ERBB4: variants seen among roughly 807,000 people sequenced by gnomAD.
The protein encoded by ERBB4 is receptor tyrosine-protein kinase erbB-4.
In ERBB4, 42 loss-of-function variants were observed where a neutral mutation model predicts 158.0. That is an observed-to-expected ratio of 0.27 (90% CI 0.21 to 0.34). ERBB4 has a LOEUF of 0.34. Ranked by LOEUF, ERBB4 falls within the 10% of genes least tolerant of loss-of-function variation. The pLI, the probability that ERBB4 is intolerant of heterozygous loss-of-function variation, is 1.00. For missense variants in ERBB4, 1,333 were observed against 1,624.1 expected, an observed-to-expected ratio of 0.82 and a Z score of 3.08; for synonymous variants, 583 against 558.7, an observed-to-expected ratio of 1.04 and a Z score of -0.61.
At chr2:212,018,167 A>G (rs2076569347) in intron 2 of ERBB4, among the ~76,000 whole-genome samples, 1 of 152,170 alleles carries the variant, frequency 6.6e-6, no homozygotes, top group South Asian at 2.1e-4. Context: ...TGTTTCATTA[A>G]AAGTATAAGT....
At chr2:212,427,904 T>G (rs1307830054) in intron 1 of ERBB4, among the ~76,000 whole-genome samples, 1 of 152,044 alleles carries the variant, frequency 6.6e-6, no homozygotes, top group Non-Finnish European at 1.5e-5. Flanking sequence ...AGAAGAGGGA[T>G]TGAGGGCAAA....
At chr2:212,059,197 T>C (rs1052549082) in intron 2 of ERBB4, among the ~76,000 whole-genome samples, 1 of 151,994 alleles carries the variant, frequency 6.6e-6, no homozygotes, top group Non-Finnish European at 1.5e-5. Context: ...CACAATTGCT[T>C]CAAAGAGAAT....
At chr2:211,484,135 A>T (rs2125554738) in intron 20 of ERBB4, among the ~76,000 whole-genome samples, 2 of 152,322 alleles carry the variant, frequency 1.3e-5, no homozygotes, top group South Asian at 4.1e-4. Flanking sequence ...CAAACCCTAA[A>T]GACACCATTA....
At chr2:211,535,374 A>G (rs926423840) in intron 20 of ERBB4, among the ~76,000 whole-genome samples, 1 of 151,974 alleles carries the variant, frequency 6.6e-6, no homozygotes, top group African/African-American at 2.4e-5. Flanking sequence ...ACCAACATTA[A>G]TGTTTACGGA....
At chr2:211,785,409 G>A (rs756851467) in intron 4 of ERBB4, among the ~76,000 whole-genome samples, 2 of 152,220 alleles carry the variant, frequency 1.3e-5, no homozygotes, top group African/African-American at 2.4e-5. Context: ...CCGCACAGAC[G>A]TTTTTAAGTT....
At chr2:212,299,131 A>G (rs893442030) in intron 1 of ERBB4, among the ~76,000 whole-genome samples, 3 of 151,674 alleles carry the variant, frequency 2.0e-5, no homozygotes, top group African/African-American at 7.2e-5. Context: ...TCACAGACCA[A>G]AAGAGTGAGG....
intron 1 of ERBB4, among the ~76,000 whole-genome samples, chr2:212,237,283 T>C (rs1314171383): frequency 6.6e-6 from 1 of 152,202 alleles, no homozygotes; most frequent in Admixed American, 6.5e-5. Flanking sequence ...TTTTTGTTGA[T>C]GTTGACGCTA....
intron 20 of ERBB4, among the ~76,000 whole-genome samples, chr2:211,514,471 T>C (rs2065972062): frequency 1.3e-5 from 2 of 152,070 alleles, no homozygotes; most frequent in African/African-American, 4.8e-5. Flanking sequence ...ATGTTTTGAG[T>C]ATATTCAGAA....
chr2:211,416,373 T>C (rs1435179663), intron 25 of ERBB4, among the ~76,000 whole-genome samples: 1 of 152,040 alleles, frequency 6.6e-6, no homozygotes, highest in Non-Finnish European at 1.5e-5. Flanking sequence ...ATGCTGAACA[T>C]GTAATCGAAA....
chr2:212,292,910 G>A (rs941321711), intron 1 of ERBB4, among the ~76,000 whole-genome samples: 1 of 151,944 alleles, frequency 6.6e-6, no homozygotes. Flanking sequence ...ATGCAAGGTA[G>A]TGAACTGAAA....
intron 2 of ERBB4, among the ~76,000 whole-genome samples, chr2:212,092,807 G>C (rs1232411412): frequency 6.6e-6 from 1 of 152,112 alleles, no homozygotes; most frequent in African/African-American, 2.4e-5. Flanking sequence ...TCACAACCGG[G>C]GCCTGTCAGG....
At position 211,947,782 on chromosome 2, in the gene ERBB4, C is replaced by T. The variant is rs563036372; in HGVS notation, c.235-166G>A. Among the ~76,000 whole-genome samples, 6 of 152,244 alleles carry T rather than the reference C, an allele frequency of 3.9e-5. No homozygotes were observed. The South Asian group carries it at 1.2e-3, about 32-fold the overall frequency. ...GAATTGGCTTCATAATAAAAGATCA[C>T]AAAGGGTTAGAATCTCATTTGAAGT... On this transcript the variant is annotated intron_variant, in intron 2 of 27. Transcript: ENST00000342788.
chr2:212,380,694 A>C lies in ERBB4; in HGVS notation c.82+157755T>G, dbSNP rs1316099863. On this transcript the variant is annotated intron_variant, in intron 1 of 27. Transcript: ENST00000342788. ...TTTATGTATATATTTTCTCACGAGA[A>C]TTTAGGCTCTTTGAAAATGTATCAT... 2.0e-5 allele frequency among the ~76,000 whole-genome samples: 3 copies of C among 151,050 alleles called. No homozygotes were observed. In the East Asian group the frequency reaches 5.8e-4, roughly 29 times the overall value.
At chr2:211,543,787 T>A (rs1219233122) in intron 20 of ERBB4, among the ~76,000 whole-genome samples, 1 of 135,100 alleles carries the variant, frequency 7.4e-6, no homozygotes, top group African/African-American at 2.5e-5. Context: ...TTGAATCTGA[T>A]TTAAAAGAAG....
chr2:212,457,187 A>G (rs1232474112), intron 1 of ERBB4, among the ~76,000 whole-genome samples: 2 of 152,066 alleles, frequency 1.3e-5, no homozygotes, highest in Non-Finnish European at 2.9e-5. Flanking sequence ...TTTCAGGCTA[A>G]TAGAGACAGG....
chr2:212,174,176 A>G (rs2081595824), intron 1 of ERBB4, among the ~76,000 whole-genome samples: 1 of 152,128 alleles, frequency 6.6e-6, no homozygotes, highest in Non-Finnish European at 1.5e-5. Context: ...AAGGAGTTCT[A>G]TGATGTGACT....
intron 2 of ERBB4, among the ~76,000 whole-genome samples, chr2:212,041,313 C>T (rs946146045): frequency 8.6e-5 from 13 of 151,824 alleles, no homozygotes; most frequent in African/African-American, 3.1e-4. Context: ...GAGGTCTTTA[C>T]TGTAAACAGA....
At chr2:212,320,557 T>A (rs929118379) in intron 1 of ERBB4, among the ~76,000 whole-genome samples, 4 of 147,758 alleles carry the variant, frequency 2.7e-5, no homozygotes, top group Admixed American at 2.0e-4. Flanking sequence ...ATATTCTGAG[T>A]TCTCAGAACT....
intron 3 of ERBB4, among the ~76,000 whole-genome samples, chr2:211,857,340 G>T (rs1195708209): frequency 2.0e-5 from 3 of 152,098 alleles, no homozygotes; most frequent in Non-Finnish European, 4.4e-5. Context: ...TCCAATAAGT[G>T]TTGCTATAAG....
Sources: allele counts gnomAD v4.1 joint callset (sites outside exome capture counted in the v4.1 genomes callset), GRCh38; gene constraint gnomAD v4.1.1; transcripts MANE v1.5; gene names NCBI Gene and HGNC (gene_info 2026-07-23, HGNC 2026-07-21).